Variants in STAU2 observed in about 807,000 individuals in gnomAD.
STAU2 encodes double-stranded RNA-binding protein Staufen homolog 2.
Under a neutral mutation model 65.9 loss-of-function variants are expected in STAU2, and 20 were observed. The observed-to-expected ratio is 0.30, with a 90% CI of 0.21 to 0.44. The LOEUF is 0.44. STAU2 is among the 20% of genes least tolerant of loss of function. The probability of loss-of-function intolerance (pLI) is 1.00; values close to 1 mark genes in which losing one functional copy is unlikely to be tolerated. For synonymous variants in STAU2, 232 were observed against 233.9 expected (o/e 0.99, Z 0.07); for missense variants, 558 against 683.9 (o/e 0.82, Z 2.05).
intron 4 of STAU2, among the ~76,000 whole-genome samples, chr8:73,700,918 A>G (rs1384002796): frequency 4.6e-5 from 7 of 152,156 alleles, no homozygotes; most frequent in Non-Finnish European, 1.0e-4. Context: ...CTACATAAAA[A>G]TAAACACACA....
chr8:73,742,568 T>C (rs1346284373), intron 1 of STAU2, among the ~76,000 whole-genome samples: 4 of 151,852 alleles, frequency 2.6e-5, no homozygotes, highest in Non-Finnish European at 5.9e-5. Context: ...CCACCTCCTC[T>C]ATCACAAAAG....
intron 12 of STAU2, among the ~76,000 whole-genome samples, chr8:73,569,551 C>T (rs1248181592): frequency 6.6e-6 from 1 of 152,006 alleles, no homozygotes; most frequent in Non-Finnish European, 1.5e-5. Flanking sequence ...AACTGGGAGA[C>T]ACCTTCCAGT....
intron 3 of STAU2, among the ~76,000 whole-genome samples, chr8:73,726,011 T>TTG (rs1487017579): frequency 6.6e-6 from 1 of 151,568 alleles, no homozygotes; most frequent in Non-Finnish European, 1.5e-5. Context: ...TGGTTAGGTT[T>TTG]TTTTTTTTTT....
intron 11 of STAU2, among the ~76,000 whole-genome samples, chr8:73,593,880 T>TAC (rs3032945): frequency 9.8e-4 from 148 of 150,530 alleles, no homozygotes; most frequent in Non-Finnish European, 1.6e-3. Flanking sequence ...GACACACACA[T>TAC]ACACACACAC....
intron 6 of STAU2, 84 bp downstream of exon 6, chr8:73,673,023 T>C: frequency 7.8e-7 from 1 of 1,276,260 alleles, no homozygotes; most frequent in Non-Finnish European, 1.0e-6. Context: ...AGATTTACAA[T>C]GAAAATACTC....
rs180965842 is a variant in STAU2 at position 73,673,312 on chromosome 8, T to C, written c.275-70A>G. 9 of 1,390,070 alleles carry C rather than the reference T, an allele frequency of 6.5e-6. No homozygotes were observed. The African/African-American group carries it at 1.3e-4, about 20-fold the overall frequency. 86.1% of individuals were successfully genotyped at this position (1,390,070 alleles called of 1,614,324 possible). On this transcript the variant is annotated intron_variant, in intron 5 of 14. Coordinates refer to ENST00000524300, the MANE Select transcript of STAU2 (RefSeq NM_001164380.2). ...CACAATTAAACATGCAAGCTATATT[T>C]ATACAACGCTTAAATACCATGGAAG...
chr8:73,739,731 T>C, intron 2 of STAU2, 25 bp downstream of exon 2: 1 of 1,477,690 alleles, frequency 6.8e-7, no homozygotes, highest in Non-Finnish European at 8.9e-7. Context: ...TGAATTTGAG[T>C]TTTAGTCAAA....
rs1810383635 is a variant in STAU2 at position 73,586,478 on chromosome 8, G to A, written c.1162-3648C>T. ...GGCTCTGGATACCAGGCATAGTTGA[G>A]GGTGAAATCCATGTGTCACCCTGCA... On this transcript the variant is annotated intron_variant, in intron 11 of 14. Transcript: ENST00000524300. Among the ~76,000 whole-genome samples the A allele has an allele frequency of 2.6e-5, 4 of 151,988 alleles. No individual in the cohort carries two copies. In the South Asian group the frequency reaches 8.3e-4, roughly 32 times the overall value.
rs138728909 is a variant in STAU2 at position 73,736,967 on chromosome 8, C to CAACT, written c.-18+1313_-18+1316dup. On this transcript the variant is annotated intron_variant, in intron 3 of 14. Transcript: ENST00000524300. ...GCAACCTCCGTCTGCTGGGTTCAAG[C>CAACT]AACTCTTCTGCCTCAGCCTCCCAAG... is the stretch of plus-strand genomic sequence containing the variant. Among the ~76,000 whole-genome samples the CAACT allele has an allele frequency of 4.8e-3, 725 of 152,240 alleles. 2 individuals carry two copies. The highest frequency in any genetic ancestry group is 7.9e-3 in the Non-Finnish European group (540 of 68,008).
intron 6 of STAU2, among the ~76,000 whole-genome samples, chr8:73,650,282 T>C (rs1815761292): frequency 6.6e-6 from 1 of 152,082 alleles, no homozygotes; most frequent in South Asian, 2.1e-4. Flanking sequence ...TAAGTATAAA[T>C]TATGACCCAT....
At chr8:73,512,980 G>T (rs929131023) in intron 13 of STAU2, among the ~76,000 whole-genome samples, 1 of 152,170 alleles carries the variant, frequency 6.6e-6, no homozygotes, top group Admixed American at 6.5e-5. Context: ...TAGCTGCTTT[G>T]AAGTATCTGT....
At chr8:73,632,203 T>C (rs1459805847) in intron 6 of STAU2, among the ~76,000 whole-genome samples, 3 of 151,852 alleles carry the variant, frequency 2.0e-5, no homozygotes, top group Non-Finnish European at 2.9e-5. Context: ...GATCAGAATA[T>C]AAGATAGTTT....
At chr8:73,603,664 A>C in intron 10 of STAU2, 62 bp downstream of exon 10, 1 of 1,559,342 alleles carries the variant, frequency 6.4e-7, no homozygotes, top group Non-Finnish European at 8.6e-7. Flanking sequence ...CTTTCGCCCA[A>C]ATGCCTATTC....
chr8:73,479,475 C>CACACACACAT (rs1820497065), intron 13 of STAU2, among the ~76,000 whole-genome samples: 1 of 149,952 alleles, frequency 6.7e-6, no homozygotes, highest in African/African-American at 2.4e-5. Flanking sequence ...CTATTCTGCA[C>CACACACACAT]ACACACACAC....
At chr8:73,551,095 G>A (rs1411088878) in intron 13 of STAU2, 1 of 987,310 alleles carries the variant, frequency 1.0e-6, no homozygotes, top group Non-Finnish European at 1.2e-6. Flanking sequence ...AAGCAAACTA[G>A]TTCATCCAGT....
intron 6 of STAU2, among the ~76,000 whole-genome samples, chr8:73,623,386 C>A (rs1319898448): frequency 6.6e-6 from 1 of 152,132 alleles, no homozygotes; most frequent in East Asian, 1.9e-4. Flanking sequence ...AGGATTTTTA[C>A]AAATTGAAAA....
chr8:73,703,905 T>C (rs1371676169), intron 4 of STAU2, among the ~76,000 whole-genome samples: 1 of 152,162 alleles, frequency 6.6e-6, no homozygotes, highest in African/African-American at 2.4e-5. Context: ...GAAACAATAC[T>C]TTTGGCATGG....
chr8:73,594,267 T>A (rs1231954798), intron 11 of STAU2, among the ~76,000 whole-genome samples: 1 of 152,204 alleles, frequency 6.6e-6, no homozygotes, highest in Non-Finnish European at 1.5e-5. Flanking sequence ...AAAGATTTTT[T>A]AAAATCATTC....
At chr8:73,477,670 T>C (rs1272207152) in intron 13 of STAU2, among the ~76,000 whole-genome samples, 5 of 152,130 alleles carry the variant, frequency 3.3e-5, no homozygotes, top group African/African-American at 1.2e-4. Context: ...GCAGGGCCAG[T>C]AGACGGACAG....
Sources: gnomAD v4.1 joint callset for allele counts (sites outside exome capture counted in the v4.1 genomes callset) on GRCh38, gnomAD v4.1.1 for gene constraint, MANE v1.5 for transcripts, NCBI Gene and HGNC (gene_info 2026-07-23, HGNC 2026-07-21) for gene names.